The following MYO18B variants were observed in gnomAD, a reference collection of about 807,000 sequenced individuals.
The protein encoded by MYO18B is unconventional myosin-XVIIIb.
A neutral mutation model predicts 273.0 loss-of-function variants in MYO18B; 204 were observed. The observed-to-expected ratio is 0.75, with a 90% CI of 0.67 to 0.84. MYO18B has a LOEUF of 0.84. Ranked by LOEUF, MYO18B falls within the 40% of genes least tolerant of loss-of-function variation. The pLI is 0.00. For synonymous variants in MYO18B, 1,330 were observed against 1,305.7 expected, an observed-to-expected ratio of 1.02 and a Z score of -0.40; for missense variants, 3,212 against 3,287.6, an observed-to-expected ratio of 0.98 and a Z score of 0.56.
intron 39 of MYO18B, among the ~76,000 whole-genome samples, chr22:25,970,086 A>G (rs949204001): frequency 6.6e-6 from 1 of 151,992 alleles, no homozygotes; most frequent in Non-Finnish European, 1.5e-5. Flanking sequence ...CATCACTGTC[A>G]TCATCACCAC....
chr22:25,959,990 G>T (rs552228087), intron 39 of MYO18B, among the ~76,000 whole-genome samples: 1 of 152,134 alleles, frequency 6.6e-6, no homozygotes, highest in Non-Finnish European at 1.5e-5. Context: ...AATCCTTTCC[G>T]CCCGTCCCCA....
chr22:25,939,107 G>A (rs1379138044), intron 34 of MYO18B, among the ~76,000 whole-genome samples: 2 of 152,222 alleles, frequency 1.3e-5, no homozygotes, highest in African/African-American at 4.8e-5. Flanking sequence ...AAGCCACCAT[G>A]CCTGACAGAT....
intron 12 of MYO18B, among the ~76,000 whole-genome samples, chr22:25,804,669 A>G (rs2088382978): frequency 6.6e-6 from 1 of 152,250 alleles, no homozygotes; most frequent in Non-Finnish European, 1.5e-5. Flanking sequence ...GGCACAAGCC[A>G]GGTGGGCTCA....
intron 34 of MYO18B, among the ~76,000 whole-genome samples, chr22:25,935,315 T>C (rs1291112262): frequency 6.6e-6 from 1 of 152,138 alleles, no homozygotes; most frequent in East Asian, 1.9e-4. Flanking sequence ...TAGTGGGCAG[T>C]TGAGTTGGCA....
intron 17 of MYO18B, among the ~76,000 whole-genome samples, chr22:25,837,726 T>C (rs1400351166): frequency 1.3e-5 from 2 of 152,148 alleles, no homozygotes; most frequent in Non-Finnish European, 2.9e-5. Flanking sequence ...CTCCTGCAGC[T>C]CTCTCTGGAG....
chr22:25,866,676 G>A (rs1274612184), intron 21 of MYO18B, among the ~76,000 whole-genome samples: 2 of 141,752 alleles, frequency 1.4e-5, no homozygotes, highest in African/African-American at 2.6e-5. Context: ...TCGTCTCTGT[G>A]AAAAATACAA....
intron 34 of MYO18B, among the ~76,000 whole-genome samples, chr22:25,938,623 G>C (rs553905821): frequency 6.6e-5 from 10 of 152,364 alleles, no homozygotes; most frequent in African/African-American, 2.4e-4. Context: ...AGTGCGTAAT[G>C]TAGTGAGTGT....
At chr22:26,052,418 C>A in the MYO18B span, among the ~76,000 whole-genome samples, 1 of 152,116 alleles carries the variant, frequency 6.6e-6, no homozygotes, top group African/African-American at 2.4e-5. Context: ...TATAGGTTGG[C>A]CTGTTGCTGT....
chr22:25,777,440 G>A, intron 7 of MYO18B, 143 bp from the exon 8 acceptor site: 9 of 779,214 alleles, frequency 1.2e-5, no homozygotes, highest in Non-Finnish European at 1.7e-5. Context: ...TCCTAGTCGA[G>A]TAGGAAGGGA....
intron 27 of MYO18B, among the ~76,000 whole-genome samples, chr22:25,893,946 T>G (rs1161953211): frequency 6.6e-6 from 1 of 152,140 alleles, no homozygotes; most frequent in African/African-American, 2.4e-5. Flanking sequence ...CATCCATCCA[T>G]CCATCCATTA....
At chr22:25,767,580 T>C (rs1401584876) in intron 3 of MYO18B, among the ~76,000 whole-genome samples, 1 of 151,696 alleles carries the variant, frequency 6.6e-6, no homozygotes, top group Non-Finnish European at 1.5e-5. Context: ...AGCTGGAGAG[T>C]GTTAGAGCCA....
At chr22:25,842,066 A>C (rs1331485471) in intron 17 of MYO18B, among the ~76,000 whole-genome samples, 1 of 152,238 alleles carries the variant, frequency 6.6e-6, no homozygotes, top group African/African-American at 2.4e-5. Context: ...TATCCTGGAC[A>C]GGGGCAATCT....
chr22:25,937,133 G>A (rs2092588551), intron 34 of MYO18B, among the ~76,000 whole-genome samples: 1 of 151,816 alleles, frequency 6.6e-6, no homozygotes, highest in Non-Finnish European at 1.5e-5. Flanking sequence ...AGGCGGGAGT[G>A]CAGTGAGTGG....
At chr22:25,871,297 G>C (rs1321181927) in intron 22 of MYO18B, among the ~76,000 whole-genome samples, 1 of 152,206 alleles carries the variant, frequency 6.6e-6, no homozygotes, top group Non-Finnish European at 1.5e-5. Flanking sequence ...TACCTCCCAA[G>C]ATGGCTGTGG....
chr22:25,835,510 G>A, intron 17 of MYO18B, 67 bp downstream of exon 17: 2 of 1,597,182 alleles, frequency 1.3e-6, no homozygotes, highest in Non-Finnish European at 1.7e-6. Context: ...GTTCTTCTCT[G>A]CTGCAGGGAA....
chr22:25,756,576 T>G (rs2086128617), intron 1 of MYO18B: 1 of 152,246 alleles, frequency 6.6e-6, no homozygotes, highest in Admixed American at 6.5e-5. Context: ...GAATGCAGAC[T>G]TGGAAAGAGA....
At chr22:25,833,445 T>C (rs1202970312) in intron 16 of MYO18B, among the ~76,000 whole-genome samples, 1 of 152,116 alleles carries the variant, frequency 6.6e-6, no homozygotes, top group Non-Finnish European at 1.5e-5. Flanking sequence ...CCTGAACTCA[T>C]CTGGGGGCAG....
chr22:25,827,877 A>G (rs1429816972), intron 14 of MYO18B, among the ~76,000 whole-genome samples: 1 of 152,220 alleles, frequency 6.6e-6, no homozygotes, highest in African/African-American at 2.4e-5. Context: ...AGTACCTACT[A>G]CAGCATTTAT....
chr22:26,000,991 C>A (rs1003823921), intron 40 of MYO18B, among the ~76,000 whole-genome samples: 1 of 152,120 alleles, frequency 6.6e-6, no homozygotes, highest in African/African-American at 2.4e-5. Context: ...GTGGCTAGTT[C>A]TTTTCCAGAT....
Sources: gnomAD v4.1 joint callset for allele counts (sites outside exome capture counted in the v4.1 genomes callset) on GRCh38, gnomAD v4.1.1 for gene constraint, MANE v1.5 for transcripts, NCBI Gene and HGNC (gene_info 2026-07-23, HGNC 2026-07-21) for gene names.